EYS: variants seen among roughly 807,000 people sequenced by gnomAD.
EYS encodes the protein protein eyes shut homolog.
A neutral mutation model predicts 282.1 loss-of-function variants in EYS; 250 were observed. The ratio of observed to expected loss-of-function variants is 0.89; its 90% CI spans 0.80 to 0.98. The LOEUF (loss-of-function observed/expected upper bound fraction) is 0.98. Among genes scored for constraint, EYS ranks in the 50% least tolerant of loss-of-function variants. The pLI is 0.00. For missense variants in EYS, 4,016 were observed against 3,709.0 expected, an observed-to-expected ratio of 1.08 and a Z score of -2.15; for synonymous variants, 1,355 against 1,282.9, an observed-to-expected ratio of 1.06 and a Z score of -1.20.
At chr6:65,525,127 A>T (rs1767509225) in intron 2 of EYS, among the ~76,000 whole-genome samples, 1 of 151,634 alleles carries the variant, frequency 6.6e-6, no homozygotes, top group South Asian at 2.1e-4. Flanking sequence ...TTACATAGGT[A>T]TACATGTGCC....
At chr6:64,165,589 T>A (rs1299583475) in intron 31 of EYS, among the ~76,000 whole-genome samples, 1 of 152,186 alleles carries the variant, frequency 6.6e-6, no homozygotes, top group Non-Finnish European at 1.5e-5. Context: ...CAATTATGAA[T>A]AATACTTCAT....
intron 31 of EYS, among the ~76,000 whole-genome samples, chr6:64,180,993 C>T (rs1764772698): frequency 1.3e-5 from 2 of 152,122 alleles, no homozygotes; most frequent in African/African-American, 4.8e-5. Context: ...CTATTGTTTC[C>T]ACCTTCGTGT....
chr6:63,985,151 C>T (rs1307287286), intron 34 of EYS, among the ~76,000 whole-genome samples: 1 of 151,528 alleles, frequency 6.6e-6, no homozygotes, highest in Non-Finnish European at 1.5e-5. Flanking sequence ...TTTATAAGGA[C>T]TTTTATAAGG....
chr6:65,311,726 T>C (rs1475202402), intron 11 of EYS, among the ~76,000 whole-genome samples: 1 of 152,232 alleles, frequency 6.6e-6, no homozygotes, highest in Non-Finnish European at 1.5e-5. Flanking sequence ...GACCTACTAA[T>C]ACAATATTTA....
At chr6:64,646,286 A>G (rs1055491218) in intron 22 of EYS, among the ~76,000 whole-genome samples, 4 of 152,314 alleles carry the variant, frequency 2.6e-5, no homozygotes, top group African/African-American at 9.6e-5. Flanking sequence ...ATAAAGAATA[A>G]CAAATATACA....
chr6:65,505,558 C>A (rs1166843906), intron 2 of EYS, among the ~76,000 whole-genome samples: 2 of 151,934 alleles, frequency 1.3e-5, no homozygotes, highest in Admixed American at 6.6e-5. Flanking sequence ...CTGTGCACTG[C>A]TTTTTCTGGA....
chr6:65,595,967 CT>C (rs1386175791), intron 2 of EYS, among the ~76,000 whole-genome samples: 7 of 152,072 alleles, frequency 4.6e-5, no homozygotes, highest in African/African-American at 1.4e-4. Flanking sequence ...CTTCAACCCC[CT>C]ATCTCAGTGG....
chr6:65,333,782 TTTGA>T (rs913647296), intron 11 of EYS, among the ~76,000 whole-genome samples: 4 of 151,678 alleles, frequency 2.6e-5, no homozygotes, highest in African/African-American at 7.2e-5. Flanking sequence ...TTTCTGATAG[TTTGA>T]TTCTTTTATA....
chr6:64,133,623 A>G (rs1337256401), intron 31 of EYS, among the ~76,000 whole-genome samples: 2 of 151,536 alleles, frequency 1.3e-5, no homozygotes, highest in Non-Finnish European at 2.9e-5. Flanking sequence ...TTTAAACTTT[A>G]TTTTCTCCAT....
intron 22 of EYS, among the ~76,000 whole-genome samples, chr6:64,807,233 A>AT (rs145981119): frequency 1.3e-5 from 2 of 151,954 alleles, no homozygotes; most frequent in African/African-American, 4.8e-5. Context: ...TTTACCATAT[A>AT]TTTTTTTCTT....
intron 14 of EYS, among the ~76,000 whole-genome samples, chr6:64,986,387 A>T (rs1271674835): frequency 1.3e-5 from 2 of 151,528 alleles, no homozygotes; most frequent in Non-Finnish European, 3.0e-5. Flanking sequence ...ACTCACAGAA[A>T]GGTGAATGAA....
intron 22 of EYS, among the ~76,000 whole-genome samples, chr6:64,798,419 G>A (rs1019615329): frequency 4.0e-5 from 6 of 151,828 alleles, no homozygotes; most frequent in African/African-American, 1.4e-4. Flanking sequence ...TATGTTTTAA[G>A]TTACTTTAAG....
chr6:64,000,967 CA>C (rs201208320), intron 33 of EYS, among the ~76,000 whole-genome samples: 45 of 151,794 alleles, frequency 3.0e-4, no homozygotes, highest in African/African-American at 1.0e-3. Flanking sequence ...TCATAAGAAA[CA>C]AAAAAAACTC....
At chr6:65,060,224 G>A (rs1283312350) in intron 12 of EYS, among the ~76,000 whole-genome samples, 1 of 139,884 alleles carries the variant, frequency 7.1e-6, no homozygotes, top group Admixed American at 7.0e-5. Context: ...ACACCTACAA[G>A]GAAGACTTTT....
chr6:64,579,356 ACT>A (rs1001514673), intron 26 of EYS, among the ~76,000 whole-genome samples: 13 of 152,064 alleles, frequency 8.5e-5, no homozygotes, highest in Admixed American at 8.5e-4. Flanking sequence ...GATTTCACAC[ACT>A]CAAATTCCAA....
intron 15 of EYS, among the ~76,000 whole-genome samples, chr6:64,940,705 T>A (rs1180713836): frequency 6.6e-6 from 1 of 151,656 alleles, no homozygotes; most frequent in East Asian, 1.9e-4. Context: ...TTATTTATCT[T>A]TTTTTTGTCA....
chr6:64,539,934 C>T (rs1198892146), intron 26 of EYS, among the ~76,000 whole-genome samples: 1 of 152,124 alleles, frequency 6.6e-6, no homozygotes, highest in African/African-American at 2.4e-5. Context: ...TTGTCTTAAA[C>T]TTCTGAAATA....
chr6:64,722,494 T>C (rs761824551), intron 22 of EYS, among the ~76,000 whole-genome samples: 17 of 149,428 alleles, frequency 1.1e-4, no homozygotes, highest in Admixed American at 2.7e-4. Flanking sequence ...ACCTGTAAAA[T>C]AGTATTTTCA....
At chr6:64,802,665 T>C (rs1459791527) in intron 22 of EYS, among the ~76,000 whole-genome samples, 2 of 152,232 alleles carry the variant, frequency 1.3e-5, no homozygotes, top group Non-Finnish European at 2.9e-5. Context: ...AAGTTATTTT[T>C]AACATCATCC....
Sources: allele counts gnomAD v4.1 joint callset (sites outside exome capture counted in the v4.1 genomes callset), GRCh38; gene constraint gnomAD v4.1.1; transcripts MANE v1.5; gene names NCBI Gene and HGNC (gene_info 2026-07-23, HGNC 2026-07-21).